Variants in LRFN5 observed in about 807,000 individuals in gnomAD.
LRFN5 encodes the protein leucine-rich repeat and fibronectin type-III domain-containing protein 5.
In LRFN5, 24 loss-of-function variants were observed where a neutral mutation model predicts 45.6. The ratio of observed to expected loss-of-function variants is 0.53; its 90% CI spans 0.38 to 0.74. The LOEUF is 0.74. Among genes scored for constraint, LRFN5 ranks in the 30% least tolerant of loss-of-function variants. The pLI is 0.00. For synonymous variants in LRFN5, 340 were observed against 313.8 expected, an observed-to-expected ratio of 1.08 and a Z score of -0.88; for missense variants, 776 against 861.5, an observed-to-expected ratio of 0.90 and a Z score of 1.24.
chr14:41,722,498 T>G (rs1883760745), intron 1 of LRFN5, among the ~76,000 whole-genome samples: 1 of 152,132 alleles, frequency 6.6e-6, no homozygotes, highest in African/African-American at 2.4e-5. Flanking sequence ...CTTCTAATTT[T>G]TATAATCATT....
chr14:41,769,100 T>C (rs943400434), intron 2 of LRFN5, among the ~76,000 whole-genome samples: 2 of 150,296 alleles, frequency 1.3e-5, no homozygotes, highest in African/African-American at 4.9e-5. Context: ...AAACAGAAAG[T>C]AAACACGTTC....
intron 1 of LRFN5, among the ~76,000 whole-genome samples, chr14:41,681,620 G>C (rs1307077529): frequency 6.6e-6 from 1 of 151,786 alleles, no homozygotes; most frequent in Non-Finnish European, 1.5e-5. Context: ...AATAACAAAA[G>C]GGTCCTACCA....
chr14:41,870,208 G>A (rs1275526845), intron 2 of LRFN5, among the ~76,000 whole-genome samples: 1 of 152,114 alleles, frequency 6.6e-6, no homozygotes, highest in Non-Finnish European at 1.5e-5. Flanking sequence ...TCTCACTGCT[G>A]TAGAATTATG....
rs751103272 is a variant in LRFN5 at position 41,887,681 on chromosome 14, A to T, written c.1056A>T (p.Thr352=). 4.3e-6 allele frequency: 7 copies of T among 1,614,214 alleles called. No homozygotes were observed. In the South Asian group the frequency reaches 7.7e-5, roughly 18 times the overall value. ...LDILITTVKD[T]GAFTCIASNP... is the part of the protein sequence containing the mutation. The stretch of plus-strand genomic sequence containing the variant: ...TTCTTATCACAACTGTAAAGGATAC[A>T]GGTGCTTTTACCTGCATTGCTTCCA... The change falls in exon 3 of 6, where the codon ACA becomes ACT. Residue 352 remains threonine (T), a synonymous_variant. Transcript: ENST00000298119. This position sits in a 1 kb window ranked among gnomAD's most constrained non-coding sequence, Gnocchi z 4.8.
At chr14:41,883,300 TTTC>T (rs1401677078) in intron 2 of LRFN5, among the ~76,000 whole-genome samples, 6 of 152,270 alleles carry the variant, frequency 3.9e-5, no homozygotes, top group African/African-American at 1.4e-4. Flanking sequence ...ACAGTGATGG[TTTC>T]TTATTACTTT....
chr14:41,831,643 A>T (rs1179256125), intron 2 of LRFN5, among the ~76,000 whole-genome samples: 2 of 152,198 alleles, frequency 1.3e-5, no homozygotes, highest in African/African-American at 4.8e-5. Context: ...ATACACACAT[A>T]AACAAATATT....
intron 1 of LRFN5, among the ~76,000 whole-genome samples, chr14:41,644,011 T>C (rs577878827): frequency 1.3e-5 from 2 of 152,306 alleles, no homozygotes; most frequent in South Asian, 4.1e-4. Flanking sequence ...TGTGGTAATA[T>C]AAAAATAAAC....
intron 1 of LRFN5, among the ~76,000 whole-genome samples, chr14:41,660,593 TTGTC>T (rs1880603464): frequency 6.6e-6 from 1 of 152,078 alleles, no homozygotes; most frequent in South Asian, 2.1e-4. Context: ...TGGAAACAGT[TTGTC>T]TGTTATTCGT....
intron 2 of LRFN5, among the ~76,000 whole-genome samples, chr14:41,801,851 C>T (rs1402766455): frequency 6.6e-6 from 1 of 152,134 alleles, no homozygotes; most frequent in Non-Finnish European, 1.5e-5. Context: ...TCTCATCTTA[C>T]TTGCCAGTTC....
At chr14:41,703,624 T>A (rs1882927518) in intron 1 of LRFN5, among the ~76,000 whole-genome samples, 1 of 152,102 alleles carries the variant, frequency 6.6e-6, no homozygotes, top group Non-Finnish European at 1.5e-5. Context: ...TTGCTCCTTG[T>A]TTTCTTTCTT....
rs755042568 is a variant in LRFN5 at position 41,904,145 on chromosome 14, T to C, written c.2143-13T>C. On this transcript the variant is annotated splice_polypyrimidine_tract_variant and intron_variant, in intron 5 of 5. Transcript: ENST00000298119. The stretch of plus-strand genomic sequence containing the variant: ...TCTTTCTTTTTTTCCTTTTTCTTTT[T>C]CTTTCATTTCAGAGGCTGGAGTTAA... 33 of 1,595,958 alleles carry C rather than the reference T, an allele frequency of 2.1e-5. No homozygotes were observed. Among genetic ancestry groups the C allele is most frequent in the Non-Finnish European group, 2.6e-5 (30 of 1,171,626 alleles).
chr14:41,770,036 G>A (rs1471611557), intron 2 of LRFN5, among the ~76,000 whole-genome samples: 1 of 152,034 alleles, frequency 6.6e-6, no homozygotes. Flanking sequence ...TATGACAGAA[G>A]GCAAAGGGGG....
At chr14:41,670,286 TATATATATATATATATATAC>T (rs1337601474) in intron 1 of LRFN5, among the ~76,000 whole-genome samples, 4,114 of 71,038 alleles carry the variant, frequency 0.058, 466 homozygotes, top group East Asian at 0.52. Flanking sequence ...TATATATATA[TATATATATATATATATATAC>T]ACACACACAG....
chr14:41,892,771 A>C, intron 4 of LRFN5: 1 of 985,362 alleles, frequency 1.0e-6, no homozygotes, highest in Non-Finnish European at 1.2e-6. Flanking sequence ...TGGAAAGAAG[A>C]AAGTGCAATT....
chr14:41,676,131 G>T (rs941033706), intron 1 of LRFN5, among the ~76,000 whole-genome samples: 2 of 152,166 alleles, frequency 1.3e-5, no homozygotes, highest in African/African-American at 4.8e-5. Flanking sequence ...TGTTGCAGAA[G>T]CCATATTTCA....
chr14:41,619,987 T>C (rs1306917923), intron 1 of LRFN5, among the ~76,000 whole-genome samples: 1 of 152,072 alleles, frequency 6.6e-6, no homozygotes, highest in Non-Finnish European at 1.5e-5. Flanking sequence ...CAATTGTACA[T>C]AAAGAATAAT....
At chr14:41,829,692 A>G (rs1372489878) in intron 2 of LRFN5, among the ~76,000 whole-genome samples, 1 of 148,802 alleles carries the variant, frequency 6.7e-6, no homozygotes, top group Non-Finnish European at 1.5e-5. Context: ...AATATTATAT[A>G]TTTGTGTGTG....
chr14:41,837,054 A>G (rs1469571361), intron 2 of LRFN5, among the ~76,000 whole-genome samples: 1 of 152,056 alleles, frequency 6.6e-6, no homozygotes, highest in Non-Finnish European at 1.5e-5. Context: ...AGATTGCTCC[A>G]AAGGAAAGAA....
At chr14:41,697,933 A>G (rs1882685140) in intron 1 of LRFN5, among the ~76,000 whole-genome samples, 1 of 151,978 alleles carries the variant, frequency 6.6e-6, no homozygotes, top group Non-Finnish European at 1.5e-5. Flanking sequence ...TATGTCACTG[A>G]TGAAGGCAAG....
Sources: gnomAD v4.1 joint callset for allele counts (sites outside exome capture counted in the v4.1 genomes callset) on GRCh38, gnomAD v4.1.1 for gene constraint, Gnocchi (gnomAD v3.1) non-coding constraint, MANE v1.5 for transcripts, NCBI Gene and HGNC (gene_info 2026-07-23, HGNC 2026-07-21) for gene names.